SMAD9: variants seen among roughly 807,000 people sequenced by gnomAD.
SMAD9 encodes SMAD family member 9, also known as MAD homolog 9.
A neutral mutation model predicts 46.1 loss-of-function variants in SMAD9; 36 were observed. The observed-to-expected ratio is 0.78, with a 90% confidence interval of 0.60 to 1.03. The LOEUF (loss-of-function observed/expected upper bound fraction) is 1.03. Ranked by LOEUF, SMAD9 falls within the 50% of genes least tolerant of loss-of-function variation. SMAD9 has a pLI of 0.00. For missense variants in SMAD9, 572 were observed against 599.8 expected, an observed-to-expected ratio of 0.95 and a Z score of 0.48; for synonymous variants, 245 against 237.1, an observed-to-expected ratio of 1.03 and a Z score of -0.31.
At chr13:36,916,605 G>A (rs1449894779) in intron 1 of SMAD9, among the ~76,000 whole-genome samples, 1 of 152,202 alleles carries the variant, frequency 6.6e-6, no homozygotes, top group African/African-American at 2.4e-5. Context: ...TACTATAAAG[G>A]GCACTGTGGT....
At chr13:36,867,452 A>G in intron 3 of SMAD9, 69 bp from the exon 4 acceptor site, 1 of 1,044,884 alleles carries the variant, frequency 9.6e-7, no homozygotes, top group South Asian at 1.5e-5. Flanking sequence ...TGGATCCGAC[A>G]TCTTTTGCCA....
In SMAD9 at chr13:36,847,883, G is replaced by A. The variant is rs147681674; in HGVS notation, c.*793C>T. ...GAACAACCAGCACGACAGGAACCTG[G>A]TCTCCTCTGTGGAAAGCAGGAGTCT... On this transcript the variant is annotated 3_prime_UTR_variant, in exon 7 of 7. Coordinates refer to ENST00000379826, the MANE Select transcript of SMAD9 (RefSeq NM_001127217.3). 6.6e-6 allele frequency: 1 copy of A among 152,260 alleles called. No individual in the cohort carries two copies. Among genetic ancestry groups the A allele is most frequent in the Non-Finnish European group, 1.5e-5 (1 of 68,070 alleles). 9.4% of individuals were successfully genotyped at this position (152,260 alleles called of 1,614,324 possible).
At chr13:36,884,296 T>C (rs2058427280) in intron 1 of SMAD9, among the ~76,000 whole-genome samples, 1 of 152,176 alleles carries the variant, frequency 6.6e-6, no homozygotes, top group Non-Finnish European at 1.5e-5. Context: ...TTTGAAACCA[T>C]TGGTCAGTGC....
intron 1 of SMAD9, among the ~76,000 whole-genome samples, chr13:36,893,462 A>G (rs1265853087): frequency 1.3e-5 from 2 of 148,792 alleles, no homozygotes; most frequent in African/African-American, 4.9e-5. Context: ...ATATACACAT[A>G]AAGAAACCAC....
Position 36,872,736 on chromosome 13 carries a change from A to G in SMAD9, c.592T>C (p.Ser198Pro). ...TAGCTGGCCGTGCACGGGGACTGGG[A>G]GAACGCGTGGCTGGGTGAGGGAGGG... ...ALPPSPSHAF[S>P]QSPCTASYPH... Residue 198 changes from serine to proline, a missense_variant, in exon 3 of 7, where the codon TCC becomes CCC. Transcript: ENST00000379826. 1 of 1,613,952 alleles carries G rather than the reference A, an allele frequency of 6.2e-7. No homozygotes were observed. Among genetic ancestry groups the G allele is most frequent in the Non-Finnish European group, 8.5e-7 (1 of 1,179,998 alleles).
chr13:36,920,014 T>A (rs892114902), intron 1 of SMAD9, 102 bp downstream of exon 1: 1 of 147,030 alleles, frequency 6.8e-6, no homozygotes, highest in Non-Finnish European at 1.5e-5. Flanking sequence ...GTCTTACCTG[T>A]CCCCGCCGTG....
At chr13:36,889,918 C>A (rs1363315657) in intron 1 of SMAD9, among the ~76,000 whole-genome samples, 1 of 152,100 alleles carries the variant, frequency 6.6e-6, no homozygotes, top group Non-Finnish European at 1.5e-5. Flanking sequence ...TCCAGCAATT[C>A]TGACCCATGA....
intron 3 of SMAD9, among the ~76,000 whole-genome samples, chr13:36,868,777 C>G (rs1179621997): frequency 2.0e-5 from 3 of 152,048 alleles, no homozygotes; most frequent in African/African-American, 7.2e-5. Context: ...ATAGAATTAC[C>G]ATATAATGTA....
intron 1 of SMAD9, among the ~76,000 whole-genome samples, chr13:36,894,105 G>C (rs1033805055): frequency 2.6e-5 from 4 of 152,100 alleles, no homozygotes; most frequent in African/African-American, 9.7e-5. Context: ...AATAGCATTA[G>C]AACAATGAAT....
At chr13:36,901,781 G>A (rs191777384) in intron 1 of SMAD9, among the ~76,000 whole-genome samples, 3 of 152,150 alleles carry the variant, frequency 2.0e-5, no homozygotes, top group Non-Finnish European at 4.4e-5. Context: ...GAGCAAATTT[G>A]CTGTCCATTT....
At chr13:36,874,464 C>T (rs1005004460) in intron 2 of SMAD9, among the ~76,000 whole-genome samples, 1 of 152,146 alleles carries the variant, frequency 6.6e-6, no homozygotes, top group Non-Finnish European at 1.5e-5. Context: ...CCCCCGAATT[C>T]CACAATGGAA....
At position 36,891,515 on chromosome 13, in the gene SMAD9, T is replaced by C. The variant is rs144910726; in HGVS notation, c.-186-11640A>G. Among the ~76,000 whole-genome samples the C allele has an allele frequency of 9.2e-5, 14 of 152,338 alleles. No individual in the cohort carries two copies. In the East Asian group the frequency reaches 2.7e-3, roughly 29 times the overall value. On this transcript the variant is annotated intron_variant, in intron 1 of 6. Transcript: ENST00000379826. ...GGGGGAGATGTGTTGCTTTGTTTTA[T>C]ATTGTTTTTATTTAAACATAGGTGG...
At chr13:36,861,723 G>C (rs959036608) in intron 5 of SMAD9, among the ~76,000 whole-genome samples, 2 of 148,858 alleles carry the variant, frequency 1.3e-5, no homozygotes, top group Admixed American at 6.7e-5. Context: ...GAGGTCAGGA[G>C]TTCGAGACCA....
rs1486135500 is a variant in SMAD9 at position 36,845,500 on chromosome 13, AATGTT to A, written c.*3171_*3175del. On this transcript the variant is annotated 3_prime_UTR_variant, in exon 7 of 7. Coordinates refer to ENST00000379826, the MANE Select transcript of SMAD9 (RefSeq NM_001127217.3). ...GTTCTGGGTCTTGTGAGCAGACCGAAATGTTACTACAGTGTTCTCTATTGTGTGAT... is the reference window on the plus strand; with the variant it reads ...GTTCTGGGTCTTGTGAGCAGACCGAAACTACAGTGTTCTCTATTGTGTGAT... The A allele has an allele frequency of 6.5e-5, 5 of 77,146 alleles. No individual in the cohort carries two copies. The highest frequency in any genetic ancestry group is 4.3e-4 in the East Asian group (1 of 2,350). The allele number at this position is 77,146 out of a possible 1,614,324, so 4.8% of individuals were successfully genotyped here. A position where few individuals can be genotyped will look rare whatever the true frequency, so the allele number is the denominator to read the frequency against.
chr13:36,887,484 A>G (rs926331905), intron 1 of SMAD9, among the ~76,000 whole-genome samples: 3 of 151,964 alleles, frequency 2.0e-5, no homozygotes, highest in African/African-American at 7.2e-5. Flanking sequence ...CGGCCTCCCA[A>G]AGTGCTGGGA....
intron 3 of SMAD9, among the ~76,000 whole-genome samples, chr13:36,872,224 C>T (rs1247433287): frequency 6.6e-6 from 1 of 151,818 alleles, no homozygotes; most frequent in Non-Finnish European, 1.5e-5. Context: ...TCAAAGGATG[C>T]AGGCATATGT....
chr13:36,874,083 C>T (rs1363787904), intron 2 of SMAD9, among the ~76,000 whole-genome samples: 2 of 152,302 alleles, frequency 1.3e-5, no homozygotes, highest in East Asian at 3.9e-4. Context: ...AGTAGCTACT[C>T]CAAAACTGTT....
chr13:36,852,737 G>A (rs2058085112), intron 6 of SMAD9, among the ~76,000 whole-genome samples: 2 of 152,140 alleles, frequency 1.3e-5, no homozygotes, highest in African/African-American at 2.4e-5. Flanking sequence ...AGTAAGGAGA[G>A]TATCTTACTG....
Position 36,853,650 on chromosome 13 carries a change from T to C in SMAD9, c.1029A>G (p.Gly343=), listed in dbSNP as rs1471341474. The C allele has an allele frequency of 6.2e-6, 10 of 1,613,984 alleles. No homozygotes were observed. The highest frequency in any genetic ancestry group is 7.6e-6 in the Non-Finnish European group (9 of 1,179,980). The change falls in exon 6 of 7, where the codon GGA becomes GGG. Residue 343 remains glycine (G), a synonymous_variant. Coordinates refer to ENST00000379826, the MANE Select transcript of SMAD9 (RefSeq NM_001127217.3). ...CACTCACGCACTCGGCATACACCTC[T>C]CCCCCGACGTAGTACAAGTGCACAC... ...GKGVHLYYVG[G]EVYAECVSDS... is the part of the protein sequence containing the mutation.
Sources: gnomAD v4.1 joint callset for allele counts (sites outside exome capture counted in the v4.1 genomes callset) on GRCh38, gnomAD v4.1.1 for gene constraint, MANE v1.5 for transcripts, NCBI Gene and HGNC (gene_info 2026-07-23, HGNC 2026-07-21) for gene names.